The following COMMD1 variants were observed in gnomAD, a reference collection of about 807,000 sequenced individuals.
COMMD1 encodes the protein COMM domain-containing protein 1.
In COMMD1, 10 loss-of-function variants were observed where a neutral mutation model predicts 17.2. That is an observed-to-expected ratio of 0.58 (90% CI 0.36 to 0.99). The LOEUF is 0.99. COMMD1 is among the 50% of genes least tolerant of loss of function. The probability of loss-of-function intolerance (pLI) is 0.01; values close to 1 mark genes in which losing one functional copy is unlikely to be tolerated. For missense variants in COMMD1, 270 were observed against 231.8 expected, an observed-to-expected ratio of 1.17 and a Z score of -1.07; for synonymous variants, 97 against 91.6, an observed-to-expected ratio of 1.06 and a Z score of -0.34.
chr2:61,992,667 T>C (rs1672281036), intron 1 of COMMD1, among the ~76,000 whole-genome samples: 1 of 152,188 alleles, frequency 6.6e-6, no homozygotes, highest in Admixed American at 6.5e-5. Context: ...CCCTAGCTCA[T>C]GCTCACTTAA....
At chr2:62,036,062 A>T (rs905532362) in intron 2 of COMMD1, among the ~76,000 whole-genome samples, 14 of 150,882 alleles carry the variant, frequency 9.3e-5, no homozygotes, top group East Asian at 3.9e-4. Context: ...TCTCACACAC[A>T]CACACACACA....
At chr2:61,943,157 C>T (rs1670797714) in intron 1 of COMMD1, among the ~76,000 whole-genome samples, 1 of 152,172 alleles carries the variant, frequency 6.6e-6, no homozygotes, top group Non-Finnish European at 1.5e-5. Context: ...GATTGACTTT[C>T]GAGCTCTGAA....
At position 62,053,749 on chromosome 2, in the gene COMMD1, T is replaced by C. The variant is rs565222568; in HGVS notation, c.462+52767T>C. On this transcript the variant is annotated intron_variant, in intron 2 of 2. Transcript: ENST00000311832. ...CCCAGAGAAGAAGGGCTTTTGTGCA[T>C]GATGTATTACAGTTGGTATAGGTAC... 6.6e-5 allele frequency among the ~76,000 whole-genome samples: 10 copies of C among 152,312 alleles called. No individual in the cohort carries two copies. The East Asian group carries it at 1.9e-3, about 29-fold the overall frequency.
At chr2:61,971,657 C>G (rs993637868) in intron 1 of COMMD1, among the ~76,000 whole-genome samples, 1 of 152,142 alleles carries the variant, frequency 6.6e-6, no homozygotes. Context: ...CTCCTGGGCT[C>G]AAGTGATCCT....
At chr2:61,929,072 GTTA>G (rs1179059453) in intron 1 of COMMD1, among the ~76,000 whole-genome samples, 5 of 152,334 alleles carry the variant, frequency 3.3e-5, no homozygotes, top group African/African-American at 1.2e-4. Flanking sequence ...CAAAGCCAGA[GTTA>G]TTATCAGTTC....
chr2:62,025,086 G>A (rs1180532260), intron 2 of COMMD1, among the ~76,000 whole-genome samples: 1 of 151,998 alleles, frequency 6.6e-6, no homozygotes, highest in African/African-American at 2.4e-5. Context: ...CAGGCATGGT[G>A]GTGCACACCT....
chr2:62,055,843 C>A lies in COMMD1; in HGVS notation c.462+54861C>A, dbSNP rs113693005. Among the ~76,000 whole-genome samples the A allele has an allele frequency of 2.3e-3, 345 of 152,324 alleles. 4 individuals are homozygous for A. The highest frequency in any genetic ancestry group is 8.2e-3 in the African/African-American group (340 of 41,570). ...ATTGATTGAATAGAGGATATTGAGG[C>A]ACAATTGATAGAGAGCATTAATGAG... On this transcript the variant is annotated intron_variant, in intron 2 of 2. Coordinates refer to ENST00000311832, the MANE Select transcript of COMMD1 (RefSeq NM_152516.4).
intron 2 of COMMD1, among the ~76,000 whole-genome samples, chr2:62,083,475 C>T (rs181270911): frequency 3.9e-5 from 6 of 152,348 alleles, no homozygotes; most frequent in Admixed American, 2.6e-4. Context: ...GTTTGCCACG[C>T]ACTTCTGATC....
intron 1 of COMMD1, among the ~76,000 whole-genome samples, chr2:61,957,087 C>CGTGTGTGTGTGTGTGTGT (rs10679710): frequency 6.8e-6 from 1 of 146,792 alleles, no homozygotes; most frequent in African/African-American, 2.5e-5. Flanking sequence ...AAGATGGATG[C>CGTGTGTGTGTGTGTGTGT]GTGTGTGTGT....
At chr2:61,949,561 C>G (rs1056923749) in intron 1 of COMMD1, among the ~76,000 whole-genome samples, 2 of 152,172 alleles carry the variant, frequency 1.3e-5, no homozygotes. Flanking sequence ...TCCAAAGTCA[C>G]TCCCAAAGAT....
intron 2 of COMMD1, among the ~76,000 whole-genome samples, chr2:62,049,900 T>C (rs561892340): frequency 6.7e-6 from 1 of 149,268 alleles, no homozygotes; most frequent in South Asian, 2.1e-4. Context: ...AGTGATATGA[T>C]TAATATATTG....
chr2:62,119,881 T>TAG (rs1672698321), intron 2 of COMMD1, among the ~76,000 whole-genome samples: 6 of 152,384 alleles, frequency 3.9e-5, no homozygotes, highest in Admixed American at 6.5e-5. Context: ...ATCTGTAGAT[T>TAG]ATCATCCTTA....
chr2:62,002,893 T>A (rs115765873), intron 2 of COMMD1, among the ~76,000 whole-genome samples: 1,822 of 152,150 alleles, frequency 0.012, 36 homozygotes, highest in African/African-American at 0.042. Flanking sequence ...TCAGTTATTA[T>A]AAAGTAGTGC....
intron 1 of COMMD1, among the ~76,000 whole-genome samples, chr2:61,997,880 A>G (rs1262703110): frequency 1.3e-5 from 2 of 152,188 alleles, no homozygotes; most frequent in Non-Finnish European, 2.9e-5. Context: ...AAAGTCCTAG[A>G]TGGTATCTTT....
chr2:62,132,134 G>A (rs1429194089), intron 2 of COMMD1, among the ~76,000 whole-genome samples: 1 of 151,900 alleles, frequency 6.6e-6, no homozygotes, highest in East Asian at 1.9e-4. Flanking sequence ...TGATCTGCCC[G>A]CCTTGGCTTC....
At chr2:62,111,755 C>G (rs965931135) in intron 2 of COMMD1, among the ~76,000 whole-genome samples, 12 of 152,210 alleles carry the variant, frequency 7.9e-5, no homozygotes, top group Non-Finnish European at 1.2e-4. Flanking sequence ...GCCATCCAGT[C>G]TTTTAGTTCA....
chr2:61,962,522 G>A (rs1251695026), intron 1 of COMMD1, among the ~76,000 whole-genome samples: 2 of 152,194 alleles, frequency 1.3e-5, no homozygotes, highest in Non-Finnish European at 2.9e-5. Context: ...CACCCATGCA[G>A]TATCACCCTG....
chr2:61,923,923 T>C (rs1489915038), intron 1 of COMMD1, among the ~76,000 whole-genome samples: 1 of 152,132 alleles, frequency 6.6e-6, no homozygotes, highest in Admixed American at 6.6e-5. Flanking sequence ...AATACAGATG[T>C]GCACCAGCAC....
At chr2:61,972,533 A>C (rs796433410) in intron 1 of COMMD1, among the ~76,000 whole-genome samples, 4 of 152,312 alleles carry the variant, frequency 2.6e-5, no homozygotes, top group African/African-American at 9.6e-5. Flanking sequence ...GACAGGCACT[A>C]CCTCAGCCAG....
Sources: allele counts gnomAD v4.1 joint callset (sites outside exome capture counted in the v4.1 genomes callset), GRCh38; gene constraint gnomAD v4.1.1; transcripts MANE v1.5; gene names NCBI Gene and HGNC (gene_info 2026-07-23, HGNC 2026-07-21).